The following CEMIP variants were observed in gnomAD, a reference collection of about 807,000 sequenced individuals.
CEMIP encodes cell migration-inducing and hyaluronan-binding protein.
In CEMIP, 105 loss-of-function variants were observed where a neutral mutation model predicts 156.9. The observed-to-expected ratio is 0.67, with a 90% CI of 0.57 to 0.79. The LOEUF is 0.79. CEMIP is among the 30% of genes least tolerant of loss of function. The pLI, the probability that CEMIP is intolerant of heterozygous loss-of-function variation, is 0.00. For synonymous variants in CEMIP, 676 were observed against 668.4 expected (o/e 1.01, Z -0.17); for missense variants, 1,457 against 1,769.4 (o/e 0.82, Z 3.17).
chr15:80,839,560 C>T (rs1897344902), intron 1 of CEMIP, among the ~76,000 whole-genome samples: 2 of 152,102 alleles, frequency 1.3e-5, no homozygotes, highest in South Asian at 4.1e-4. Context: ...GAAGGGTGGG[C>T]CTTCAGCAAC....
At chr15:80,920,360 G>A in intron 15 of CEMIP, 61 bp downstream of exon 15, 6 of 1,471,248 alleles carry the variant, frequency 4.1e-6, no homozygotes, top group Non-Finnish European at 5.6e-6. Context: ...GTGTGCATGT[G>A]TTCACTCAGC....
chr15:80,880,581 A>T (rs1298344044), intron 5 of CEMIP, among the ~76,000 whole-genome samples: 1 of 152,174 alleles, frequency 6.6e-6, no homozygotes, highest in Non-Finnish European at 1.5e-5. Context: ...AACTACAGGC[A>T]TGTTCCACCA....
chr15:80,849,137 G>A (rs188462571), intron 1 of CEMIP, among the ~76,000 whole-genome samples: 587 of 151,824 alleles, frequency 3.9e-3, no homozygotes, highest in African/African-American at 0.013. Context: ...GATTACAGGC[G>A]TGCATCACCA....
At chr15:80,786,856 A>G (rs766113496) in intron 1 of CEMIP, among the ~76,000 whole-genome samples, 1 of 152,226 alleles carries the variant, frequency 6.6e-6, no homozygotes, top group Non-Finnish European at 1.5e-5. Flanking sequence ...TATTTTTTAT[A>G]TAAAACCTGG....
intron 2 of CEMIP, 59 bp from the exon 3 acceptor site, chr15:80,873,805 T>A (rs1898373914): frequency 8.0e-7 from 1 of 1,245,850 alleles, no homozygotes; most frequent in Admixed American, 2.0e-5. Flanking sequence ...ATGTCGGCCC[T>A]GTATACTGAT....
At chr15:80,856,111 G>A (rs762634678) in intron 1 of CEMIP, among the ~76,000 whole-genome samples, 1 of 152,228 alleles carries the variant, frequency 6.6e-6, no homozygotes, top group East Asian at 1.9e-4. Flanking sequence ...AAGAGTGGTT[G>A]CCTCTTGTTG....
chr15:80,922,516 T>C (rs147195118), intron 17 of CEMIP, among the ~76,000 whole-genome samples: 15 of 152,136 alleles, frequency 9.9e-5, no homozygotes, highest in African/African-American at 3.4e-4. Flanking sequence ...TTAGGCCTGA[T>C]CCATAAGCTG....
At chr15:80,907,966 A>G (rs1356966042) in intron 13 of CEMIP, among the ~76,000 whole-genome samples, 1 of 152,222 alleles carries the variant, frequency 6.6e-6, no homozygotes, top group South Asian at 2.1e-4. Flanking sequence ...AGCATTCACA[A>G]TGGGGGCCCT....
At chr15:80,915,176 A>G (rs12593754) in intron 14 of CEMIP, among the ~76,000 whole-genome samples, 111,307 of 152,180 alleles carry the variant, frequency 0.73, 43,985 homozygotes, top group Non-Finnish European at 0.87. Flanking sequence ...GCCTCTAGCT[A>G]CATGACTCCT....
chr15:80,849,592 A>G (rs927512744), intron 1 of CEMIP, among the ~76,000 whole-genome samples: 1 of 152,006 alleles, frequency 6.6e-6, no homozygotes, highest in Non-Finnish European at 1.5e-5. Context: ...AGTTCCAGTT[A>G]CTCGTGTGCT....
At chr15:80,919,794 G>A (rs1900404164) in intron 14 of CEMIP, among the ~76,000 whole-genome samples, 1 of 138,884 alleles carries the variant, frequency 7.2e-6, no homozygotes, top group Non-Finnish European at 1.6e-5. Context: ...CAGTCTGGGC[G>A]ACAAAGTGAG....
chr15:80,924,500 A>T, intron 17 of CEMIP, 121 bp from the exon 18 acceptor site: 1 of 828,434 alleles, frequency 1.2e-6, no homozygotes, highest in Non-Finnish European at 2.0e-6. Flanking sequence ...CTGTTGATGC[A>T]GCCTGAGAAC....
chr15:80,790,388 G>A (rs769520197), intron 1 of CEMIP, among the ~76,000 whole-genome samples: 4 of 152,196 alleles, frequency 2.6e-5, no homozygotes, highest in Non-Finnish European at 4.4e-5. Context: ...CTGTACTCCT[G>A]TGGCTTTATG....
At chr15:80,829,894 T>C (rs1897116453) in intron 1 of CEMIP, among the ~76,000 whole-genome samples, 1 of 152,070 alleles carries the variant, frequency 6.6e-6, no homozygotes, top group Non-Finnish European at 1.5e-5. Flanking sequence ...GCAAATCTCT[T>C]CTCACAAATC....
intron 25 of CEMIP, among the ~76,000 whole-genome samples, chr15:80,938,591 A>T (rs1901225372): frequency 6.6e-6 from 1 of 152,096 alleles, no homozygotes; most frequent in Non-Finnish European, 1.5e-5. Context: ...GGTGACAGAG[A>T]GAGTGAGAGA....
At position 80,941,969 on chromosome 15, in the gene CEMIP, C is replaced by T. The variant is rs773520654; in HGVS notation, c.3528C>T (p.Asp1176=). Residue 1176 remains aspartate (D), a synonymous_variant, in exon 26 of 30, where the codon GAC becomes GAT. Transcript: ENST00000394685. ...TTCCAAAGAACGCAGGCGTCAGTGACTGCACAGCCACAGCTTACCCCAAGT... is the reference window on the plus strand; with the variant it reads ...TTCCAAAGAACGCAGGCGTCAGTGATTGCACAGCCACAGCTTACCCCAAGT... ...ALIPKNAGVS[D]CTATAYPKFT... 30 of 1,613,978 alleles carry T rather than the reference C, an allele frequency of 1.9e-5. No individual in the cohort carries two copies. Among genetic ancestry groups the T allele is most frequent in the African/African-American group, 2.7e-5 (2 of 74,912 alleles).
chr15:80,926,903 A>T (rs190846329), intron 19 of CEMIP, among the ~76,000 whole-genome samples: 38 of 148,714 alleles, frequency 2.6e-4, no homozygotes, highest in East Asian at 2.2e-3. Context: ...CAAACTCAGC[A>T]CACTGCAACC....
intron 17 of CEMIP, 101 bp downstream of exon 17, chr15:80,922,238 A>G: frequency 6.9e-7 from 1 of 1,458,758 alleles, no homozygotes. Flanking sequence ...ACAGCTGGGA[A>G]CAACTGCATT....
At position 80,887,682 on chromosome 15, in the gene CEMIP, T is replaced by G. The variant is rs759696983; in HGVS notation, c.798-12T>G. 6.2e-7 allele frequency: 1 copy of G among 1,606,378 alleles called. No individual in the cohort carries two copies. Among genetic ancestry groups the G allele is most frequent in the Non-Finnish European group, 8.5e-7 (1 of 1,176,596 alleles). On this transcript the variant is annotated splice_polypyrimidine_tract_variant and intron_variant, in intron 7 of 29. Coordinates refer to ENST00000394685, the MANE Select transcript of CEMIP (RefSeq NM_001293298.2). ...AGAACTTTACTTTTTGTTATGTTTT[T>G]CTTTTTTTCAGACACCCTTGGAGTT...
Sources: gnomAD v4.1 joint callset for allele counts (sites outside exome capture counted in the v4.1 genomes callset) on GRCh38, gnomAD v4.1.1 for gene constraint, MANE v1.5 for transcripts, NCBI Gene and HGNC (gene_info 2026-07-23, HGNC 2026-07-21) for gene names.